CFAP20DC: variants seen among roughly 807,000 people sequenced by gnomAD.
CFAP20DC encodes the protein protein CFAP20DC.
CFAP20DC carries 84 observed loss-of-function variants against 101.7 expected under a neutral mutation model. That is an observed-to-expected ratio of 0.83 (90% CI 0.69 to 0.99). The LOEUF is 0.99. Ranked by LOEUF, CFAP20DC falls within the 50% of genes least tolerant of loss-of-function variation. The probability of loss-of-function intolerance (pLI) is 0.00; values close to 1 mark genes in which losing one functional copy is unlikely to be tolerated. For synonymous variants in CFAP20DC, 359 were observed against 351.2 expected (o/e 1.02, Z -0.25); for missense variants, 1,007 against 970.3 (o/e 1.04, Z -0.50).
chr3:59,009,233 G>T (rs1171774157), intron 4 of CFAP20DC, among the ~76,000 whole-genome samples: 1 of 151,154 alleles, frequency 6.6e-6, no homozygotes, highest in African/African-American at 2.4e-5. Context: ...AAATGAGAGG[G>T]AACCAGAAAA....
At chr3:58,755,824 A>G (rs565816925) in intron 15 of CFAP20DC, among the ~76,000 whole-genome samples, 20 of 152,282 alleles carry the variant, frequency 1.3e-4, no homozygotes, top group East Asian at 7.7e-4. Context: ...ACCTAACTAT[A>G]TATCTATCTA....
At chr3:58,932,173 G>T (rs1047160081) in intron 5 of CFAP20DC, among the ~76,000 whole-genome samples, 1 of 152,228 alleles carries the variant, frequency 6.6e-6, no homozygotes, top group African/African-American at 2.4e-5. Flanking sequence ...AAGGGTATCA[G>T]TGATGGAAGA....
intron 14 of CFAP20DC, among the ~76,000 whole-genome samples, chr3:58,821,884 T>G (rs2075676395): frequency 2.3e-5 from 3 of 132,420 alleles, no homozygotes; most frequent in Admixed American, 7.6e-5. Context: ...AGCAAAGACT[T>G]GGAACCAACC....
At chr3:58,998,776 C>G (rs150550345) in intron 4 of CFAP20DC, among the ~76,000 whole-genome samples, 124 of 152,180 alleles carry the variant, frequency 8.1e-4, no homozygotes, top group Middle Eastern at 3.4e-3. Context: ...CACTCTGCAC[C>G]GTAGAATGAA....
chr3:58,778,174 G>A (rs1401929267), intron 15 of CFAP20DC, among the ~76,000 whole-genome samples: 1 of 152,168 alleles, frequency 6.6e-6, no homozygotes, highest in African/African-American at 2.4e-5. Flanking sequence ...TGCAGCTACA[G>A]CCACCCCCAC....
At chr3:59,047,294 G>A (rs1490291461) in intron 1 of CFAP20DC, 40 bp from the exon 2 acceptor site, 41 of 1,327,936 alleles carry the variant, frequency 3.1e-5, no homozygotes, top group Non-Finnish European at 4.0e-5. Context: ...CAATGCTAAC[G>A]AGGAAGTATT....
chr3:58,855,609 G>A (rs1264111066), intron 12 of CFAP20DC, among the ~76,000 whole-genome samples: 1 of 152,036 alleles, frequency 6.6e-6, no homozygotes, highest in African/African-American at 2.4e-5. Flanking sequence ...TGATAGAATG[G>A]ATTAAGAAAA....
intron 15 of CFAP20DC, among the ~76,000 whole-genome samples, chr3:58,784,654 A>G (rs540615834): frequency 6.6e-6 from 1 of 152,166 alleles, no homozygotes; most frequent in South Asian, 2.1e-4. Context: ...TTTTGGAAGA[A>G]TGGTTTGTTT....
intron 15 of CFAP20DC, among the ~76,000 whole-genome samples, chr3:58,775,205 T>C (rs2071214188): frequency 6.6e-6 from 1 of 152,154 alleles, no homozygotes. Flanking sequence ...CGAGGACAAC[T>C]AGAAGCAAGG....
At chr3:59,048,623 A>G (rs576413656) in intron 1 of CFAP20DC, among the ~76,000 whole-genome samples, 4 of 152,210 alleles carry the variant, frequency 2.6e-5, no homozygotes, top group Non-Finnish European at 4.4e-5. Flanking sequence ...TTCTAGCCCA[A>G]TTAGTGATAA....
intron 14 of CFAP20DC, among the ~76,000 whole-genome samples, chr3:58,810,810 G>C (rs930992524): frequency 1.3e-5 from 2 of 151,640 alleles, no homozygotes; most frequent in Non-Finnish European, 2.9e-5. Context: ...AAACCCCATT[G>C]TCTCAGTCCA....
chr3:58,956,163 G>A lies in CFAP20DC; in HGVS notation c.279-18401C>T, dbSNP rs142993655. The stretch of plus-strand genomic sequence containing the variant: ...TGAGAAAAATGAAAGGAAAAGTAAT[G>A]GGATTTCGTCTTGTATCTTAGGTAC... On this transcript the variant is annotated intron_variant, in intron 4 of 16. Coordinates refer to ENST00000482387, the MANE Select transcript of CFAP20DC (RefSeq NM_001394063.1). 3.2e-3 allele frequency among the ~76,000 whole-genome samples: 482 copies of A among 151,742 alleles called. 1 individual carries two copies. Among genetic ancestry groups the A allele is most frequent in the Middle Eastern group, 0.01 (3 of 294 alleles).
At chr3:58,937,239 G>A (rs9846231) in intron 5 of CFAP20DC, among the ~76,000 whole-genome samples, 2 of 152,048 alleles carry the variant, frequency 1.3e-5, no homozygotes, top group Non-Finnish European at 2.9e-5. Context: ...TCTTTCCAGC[G>A]TCCACGCTTC....
At chr3:58,817,764 C>T (rs1003581552) in intron 14 of CFAP20DC, among the ~76,000 whole-genome samples, 6 of 151,910 alleles carry the variant, frequency 3.9e-5, no homozygotes, top group East Asian at 1.9e-4. Flanking sequence ...GGCAGGCCAA[C>T]GTTCAGATTC....
intron 7 of CFAP20DC, among the ~76,000 whole-genome samples, chr3:58,880,048 G>A (rs3849528): frequency 0.029 from 4,375 of 151,852 alleles, 200 homozygotes; most frequent in African/African-American, 0.098. Flanking sequence ...AAATACAGAA[G>A]AGTATAAAGA....
At chr3:58,860,090 T>C (rs928138603) in intron 12 of CFAP20DC, among the ~76,000 whole-genome samples, 1 of 146,606 alleles carries the variant, frequency 6.8e-6, no homozygotes, top group Non-Finnish European at 1.5e-5. Context: ...AGCAGGAGAA[T>C]TGCTTGAACC....
At chr3:58,928,300 C>T (rs2086205923) in intron 5 of CFAP20DC, among the ~76,000 whole-genome samples, 1 of 152,082 alleles carries the variant, frequency 6.6e-6, no homozygotes, top group Non-Finnish European at 1.5e-5. Context: ...ATGAGCTATG[C>T]CCAAAATATC....
chr3:58,761,902 C>G (rs561672516), intron 15 of CFAP20DC, among the ~76,000 whole-genome samples: 3 of 151,994 alleles, frequency 2.0e-5, no homozygotes, highest in Non-Finnish European at 2.9e-5. Flanking sequence ...GTCTGAGAGA[C>G]AGTTTGTTAT....
At chr3:58,883,064 G>T (rs138974214) in intron 7 of CFAP20DC, among the ~76,000 whole-genome samples, 2 of 152,300 alleles carry the variant, frequency 1.3e-5, no homozygotes, top group African/African-American at 4.8e-5. Context: ...CATGGAATAA[G>T]TATAGAGAAT....
Sources: gnomAD v4.1 joint callset for allele counts (sites outside exome capture counted in the v4.1 genomes callset) on GRCh38, gnomAD v4.1.1 for gene constraint, MANE v1.5 for transcripts, NCBI Gene and HGNC (gene_info 2026-07-23, HGNC 2026-07-21) for gene names.